Variants in ZDHHC15 observed in about 807,000 individuals in gnomAD.
ZDHHC15 encodes palmitoyltransferase ZDHHC15.
In ZDHHC15, 19 loss-of-function variants were observed where a neutral mutation model predicts 31.7. The observed-to-expected ratio is 0.60, with a 90% confidence interval of 0.42 to 0.88. ZDHHC15 has a LOEUF of 0.88. Ranked by LOEUF, ZDHHC15 falls within the 40% of genes least tolerant of loss-of-function variation. The pLI, the probability that ZDHHC15 is intolerant of heterozygous loss-of-function variation, is 0.00. For synonymous variants in ZDHHC15, 103 were observed against 90.0 expected, an observed-to-expected ratio of 1.14 and a Z score of -0.82; for missense variants, 209 against 251.2, an observed-to-expected ratio of 0.83 and a Z score of 1.14.
intron 3 of ZDHHC15, among the ~76,000 whole-genome samples, chrX:75,473,258 G>T (rs1473420003): frequency 9.0e-6 from 1 of 111,509 alleles, no homozygotes; most frequent in Non-Finnish European, 1.9e-5. Context: ...GCAGAGCTGG[G>T]GCATAGTTCT....
chrX:75,417,264 A>G, intron 9 of ZDHHC15, 74 bp from the exon 10 acceptor site: 1 of 705,876 alleles, frequency 1.4e-6, no homozygotes, highest in Non-Finnish European at 2.1e-6. Context: ...CCTCTTAAAA[A>G]CAAGAGGGGG....
intron 10 of ZDHHC15, among the ~76,000 whole-genome samples, chrX:75,385,602 C>T (rs1007891570): frequency 1.8e-5 from 2 of 111,287 alleles, no homozygotes; most frequent in Non-Finnish European, 3.8e-5. Context: ...TTAATGAGTT[C>T]CCATCTATTC....
intron 10 of ZDHHC15, among the ~76,000 whole-genome samples, chrX:75,379,685 T>C (rs1479682443): frequency 8.9e-6 from 1 of 112,256 alleles, no homozygotes; most frequent in Non-Finnish European, 1.9e-5. Flanking sequence ...GTTTCTGACC[T>C]CCAGCCTTTT....
intron 1 of ZDHHC15, among the ~76,000 whole-genome samples, chrX:75,516,202 A>G (rs1291842043): frequency 8.9e-6 from 1 of 111,857 alleles, no homozygotes; most frequent in East Asian, 2.8e-4. Context: ...TCGAGCTACC[A>G]ATGACTTTCT....
intron 10 of ZDHHC15, among the ~76,000 whole-genome samples, chrX:75,384,031 C>T (rs891091036): frequency 9.0e-6 from 1 of 110,558 alleles, no homozygotes; most frequent in Non-Finnish European, 1.9e-5. Context: ...CGTGAACCAC[C>T]GCACCCGGCC....
intron 9 of ZDHHC15, among the ~76,000 whole-genome samples, chrX:75,419,663 G>A (rs1201338737): frequency 1.8e-5 from 2 of 109,678 alleles, no homozygotes; most frequent in African/African-American, 3.3e-5. Flanking sequence ...TGTTTACTGC[G>A]GCACTATTCA....
At chrX:75,411,455 G>A (rs901055208) in intron 10 of ZDHHC15, among the ~76,000 whole-genome samples, 4 of 112,314 alleles carry the variant, frequency 3.6e-5, no homozygotes, top group South Asian at 3.7e-4. Context: ...CTCGTGATCC[G>A]CCCGCCTCGG....
intron 10 of ZDHHC15, among the ~76,000 whole-genome samples, chrX:75,398,587 T>C (rs768464140): frequency 1.8e-5 from 2 of 111,365 alleles, no homozygotes; most frequent in Non-Finnish European, 1.9e-5. Flanking sequence ...GCACAGCTGC[T>C]TTAACAAAAC....
At chrX:75,462,815 G>A (rs772814219) in intron 3 of ZDHHC15, among the ~76,000 whole-genome samples, 4 of 111,049 alleles carry the variant, frequency 3.6e-5, no homozygotes, top group Non-Finnish European at 7.5e-5. Context: ...ACACCAAAAA[G>A]CTAGAAAGAT....
intron 3 of ZDHHC15, among the ~76,000 whole-genome samples, chrX:75,469,747 A>T (rs1418222511): frequency 9.0e-6 from 1 of 111,552 alleles, no homozygotes; most frequent in South Asian, 3.8e-4. Flanking sequence ...CAAAAGTGGA[A>T]TTGCTAGACC....
At chrX:75,495,664 A>G (rs2084982680) in intron 2 of ZDHHC15, among the ~76,000 whole-genome samples, 1 of 108,415 alleles carries the variant, frequency 9.2e-6, no homozygotes, top group Non-Finnish European at 1.9e-5. Flanking sequence ...GATCATTCTC[A>G]GCAAACTATC....
At chrX:75,420,640 T>A (rs1010892201) in intron 9 of ZDHHC15, among the ~76,000 whole-genome samples, 3 of 111,200 alleles carry the variant, frequency 2.7e-5, no homozygotes, top group Non-Finnish European at 5.7e-5. Context: ...AAAAATGAGT[T>A]CATGTCCTTT....
intron 1 of ZDHHC15, 123 bp downstream of exon 1, chrX:75,522,766 C>A: frequency 1.0e-6 from 1 of 975,025 alleles, no homozygotes. Flanking sequence ...AGGAACTCTC[C>A]AGGGAGAGAA....
At chrX:75,391,150 A>G (rs1426984437) in intron 10 of ZDHHC15, among the ~76,000 whole-genome samples, 1 of 112,073 alleles carries the variant, frequency 8.9e-6, no homozygotes, top group African/African-American at 3.2e-5. Context: ...GAGCTTGAGG[A>G]CAGGCTACTT....
intron 4 of ZDHHC15, among the ~76,000 whole-genome samples, chrX:75,449,003 C>T (rs186121850): frequency 3.7e-4 from 41 of 110,691 alleles, no homozygotes; most frequent in Admixed American, 4.9e-4. Flanking sequence ...TGTTGCCTGA[C>T]TGCATGAGCT....
At chrX:75,412,813 G>A (rs2083500718) in intron 10 of ZDHHC15, among the ~76,000 whole-genome samples, 1 of 111,752 alleles carries the variant, frequency 8.9e-6, no homozygotes, top group Admixed American at 9.5e-5. Flanking sequence ...AGTGGTATAA[G>A]CCAGACACAG....
At chrX:75,427,900 C>T (rs962199463) in intron 7 of ZDHHC15, among the ~76,000 whole-genome samples, 2 of 111,261 alleles carry the variant, frequency 1.8e-5, no homozygotes, top group African/African-American at 6.5e-5. Flanking sequence ...GGAAAACACA[C>T]ATCACTATAA....
chrX:75,430,933 A>T (rs1050997135), intron 5 of ZDHHC15, among the ~76,000 whole-genome samples: 1 of 111,471 alleles, frequency 9.0e-6, no homozygotes, highest in Non-Finnish European at 1.9e-5. Flanking sequence ...AATACTGTCA[A>T]GGTTATCAAA....
intron 1 of ZDHHC15, among the ~76,000 whole-genome samples, chrX:75,517,823 T>C (rs2085383002): frequency 9.2e-6 from 1 of 108,671 alleles, no homozygotes; most frequent in Non-Finnish European, 1.9e-5. Flanking sequence ...TACCTAAAGG[T>C]GAGAGCTAAA....
Sources: allele counts gnomAD v4.1 joint callset (sites outside exome capture counted in the v4.1 genomes callset), GRCh38; gene constraint gnomAD v4.1.1; transcripts MANE v1.5; gene names NCBI Gene and HGNC (gene_info 2026-07-23, HGNC 2026-07-21).